Variants in MERTK observed in about 807,000 individuals in gnomAD.
The protein encoded by MERTK is tyrosine-protein kinase Mer.
A neutral mutation model predicts 99.3 loss-of-function variants in MERTK; 69 were observed. The observed-to-expected ratio is 0.70, with a 90% confidence interval of 0.57 to 0.85. The LOEUF is 0.85. MERTK is among the 40% of genes least tolerant of loss of function. The probability of loss-of-function intolerance (pLI) is 0.00; values close to 1 mark genes in which losing one functional copy is unlikely to be tolerated. For synonymous variants in MERTK, 426 were observed against 467.6 expected, an observed-to-expected ratio of 0.91 and a Z score of 1.15; for missense variants, 1,125 against 1,249.4, an observed-to-expected ratio of 0.90 and a Z score of 1.50.
chr2:112,016,216 T>C (rs1677212357), intron 15 of MERTK, among the ~76,000 whole-genome samples: 1 of 152,204 alleles, frequency 6.6e-6, no homozygotes, highest in African/African-American at 2.4e-5. Flanking sequence ...TAATCTTATA[T>C]CCTTTTGAAC....
chr2:112,005,759 T>A (rs1676967562), intron 13 of MERTK, among the ~76,000 whole-genome samples: 1 of 152,254 alleles, frequency 6.6e-6, no homozygotes. Flanking sequence ...ATACTATTTT[T>A]GATCAGGGAA....
At chr2:111,984,732 TTGAGTTTGC>T (rs1463680463) in intron 8 of MERTK, among the ~76,000 whole-genome samples, 1 of 152,204 alleles carries the variant, frequency 6.6e-6, no homozygotes, top group Admixed American at 6.5e-5. Flanking sequence ...AATAATTACA[TTGAGTTTGC>T]TGATATAAGT....
At chr2:111,963,920 G>C (rs1291381691) in intron 4 of MERTK, among the ~76,000 whole-genome samples, 1 of 151,882 alleles carries the variant, frequency 6.6e-6, no homozygotes, top group South Asian at 2.1e-4. Context: ...TCGGGAGGAA[G>C]GCCATAGAGG....
At chr2:112,026,904 AT>A (rs1677474759) in intron 18 of MERTK, among the ~76,000 whole-genome samples, 1 of 152,188 alleles carries the variant, frequency 6.6e-6, no homozygotes, top group South Asian at 2.1e-4. Flanking sequence ...GATGCTAGTA[AT>A]TTATTGCATG....
At chr2:112,013,682 G>A (rs1260419198) in intron 15 of MERTK, 1 of 153,688 alleles carries the variant, frequency 6.5e-6, no homozygotes, top group East Asian at 1.9e-4. Context: ...GCTGCAGACT[G>A]TGAGCCTTCA....
In MERTK at chr2:112,028,418, C is replaced by G. The variant is rs1185753686; in HGVS notation, c.2554C>G (p.Leu852Val). Residue 852 changes from leucine (L) to valine (V), a missense_variant, in exon 19 of 19, where the codon CTG becomes GTG. Leu to Val is a conservative substitution (Grantham distance 32, BLOSUM62 1). Coordinates refer to ENST00000295408, the MANE Select transcript of MERTK (RefSeq NM_006343.3). ...CCGCCCCACCTTTTCAGTATTGAGG[C>G]TGCAGCTAGAAAAACTCTTAGAAAG... ...LDRPTFSVLR[L>V]QLEKLLESLP... 6.2e-7 allele frequency: 1 copy of G among 1,614,168 alleles called. No individual in the cohort carries two copies. The highest frequency in any genetic ancestry group is 8.5e-7 in the Non-Finnish European group (1 of 1,180,040).
intron 1 of MERTK, among the ~76,000 whole-genome samples, chr2:111,908,351 G>A (rs2104663113): frequency 6.6e-6 from 1 of 152,040 alleles, no homozygotes; most frequent in Non-Finnish European, 1.5e-5. Context: ...AAAATATTTA[G>A]GATACACAAA....
At chr2:111,921,171 G>T (rs1207357660) in intron 1 of MERTK, among the ~76,000 whole-genome samples, 1 of 152,092 alleles carries the variant, frequency 6.6e-6, no homozygotes, top group Non-Finnish European at 1.5e-5. Context: ...ACTGGTCTAG[G>T]TTCTGCGTTT....
intron 6 of MERTK, among the ~76,000 whole-genome samples, chr2:111,970,829 C>CCTCCTCCTTCTCCTCCTTCTCCTCCTT (rs1234199986): frequency 2.0e-4 from 23 of 115,210 alleles, no homozygotes; most frequent in African/African-American, 7.8e-4. Flanking sequence ...CCTCCTCCTC[C>CCTCCTCCTTCTCCTCCTTCTCCTCCTT]CTCCTCCTTC....
chr2:111,978,691 C>A lies in MERTK; in HGVS notation c.1144+3219C>A, dbSNP rs1398106009. Among the ~76,000 whole-genome samples the A allele has an allele frequency of 2.0e-5, 3 of 152,156 alleles. 1 individual carries two copies. The highest frequency in any genetic ancestry group is 7.2e-5 in the African/African-American group (3 of 41,420). On this transcript the variant is annotated intron_variant, in intron 7 of 18. Transcript: ENST00000295408. The stretch of plus-strand genomic sequence containing the variant: ...TATCTGTGGGTGGTTTCAACTGATT[C>A]ATTTATGTTTCCACTCTAGGTAGTA...
chr2:111,965,898 G>A (rs1157619085), intron 5 of MERTK, among the ~76,000 whole-genome samples: 2 of 152,166 alleles, frequency 1.3e-5, no homozygotes, highest in African/African-American at 2.4e-5. Flanking sequence ...TTGCTTGGCC[G>A]TGAGTTATGA....
intron 1 of MERTK, among the ~76,000 whole-genome samples, chr2:111,912,491 C>G (rs965014218): frequency 1.3e-5 from 2 of 152,126 alleles, no homozygotes; most frequent in South Asian, 2.1e-4. Context: ...AAGTTAAGAG[C>G]CCTTAACCTT....
At chr2:112,017,132 T>A (rs1677233057) in intron 15 of MERTK, among the ~76,000 whole-genome samples, 1 of 152,200 alleles carries the variant, frequency 6.6e-6, no homozygotes, top group East Asian at 1.9e-4. Context: ...ACCCACATCC[T>A]GCTGATTAGT....
At chr2:111,933,852 T>C (rs1684717784) in intron 2 of MERTK, among the ~76,000 whole-genome samples, 1 of 151,886 alleles carries the variant, frequency 6.6e-6, no homozygotes, top group African/African-American at 2.4e-5. Flanking sequence ...GTATTTCTCC[T>C]AATGCTATCC....
At chr2:111,942,007 T>C (rs1266067220) in intron 2 of MERTK, among the ~76,000 whole-genome samples, 1 of 152,200 alleles carries the variant, frequency 6.6e-6, no homozygotes, top group Non-Finnish European at 1.5e-5. Context: ...CTGGGGGCTC[T>C]GCACCTCCGC....
At chr2:111,968,719 G>A (rs1336003310) in intron 6 of MERTK, among the ~76,000 whole-genome samples, 2 of 152,094 alleles carry the variant, frequency 1.3e-5, no homozygotes, top group African/African-American at 4.8e-5. Flanking sequence ...AGTAGAGATG[G>A]GGTTTCTCCA....
chr2:111,940,949 C>A (rs1361729964), intron 2 of MERTK: 2 of 654,836 alleles, frequency 3.1e-6, no homozygotes, highest in East Asian at 6.0e-5. Context: ...TCAAGCCAAA[C>A]AGTGAAGTTT....
At chr2:112,023,517 C>T (rs890196216) in intron 18 of MERTK, among the ~76,000 whole-genome samples, 1 of 152,084 alleles carries the variant, frequency 6.6e-6, no homozygotes, top group Admixed American at 6.5e-5. Context: ...ACACAGCACA[C>T]ATCCCATCCT....
chr2:112,028,568 A>G lies in MERTK; in HGVS notation c.2704A>G (p.Ile902Val), dbSNP rs753830329. 3.7e-6 allele frequency: 6 copies of G among 1,614,160 alleles called. No individual in the cohort carries two copies. Among genetic ancestry groups the G allele is most frequent in the East Asian group, 2.2e-5 (1 of 44,886 alleles). The change falls in exon 19 of 19, where the codon ATA (isoleucine) becomes GTA (valine). Residue 902 changes from isoleucine (I) to valine (V), a missense_variant. By Grantham distance (29) the Ile-to-Val change is conservative (BLOSUM62 3). Transcript: ENST00000295408. ...GGACTTGAACATCGACCCTGACTCT[A>G]TAATTGCCTCCTGCACTCCCCGCGC... ...PLDLNIDPDS[I>V]IASCTPRAAI...
Sources: allele counts gnomAD v4.1 joint callset (sites outside exome capture counted in the v4.1 genomes callset), GRCh38; gene constraint gnomAD v4.1.1; transcripts MANE v1.5; gene names NCBI Gene and HGNC (gene_info 2026-07-23, HGNC 2026-07-21).